Variants in ZNF730 observed in about 807,000 individuals in gnomAD.
ZNF730 encodes putative zinc finger protein 730.
In ZNF730, 12 loss-of-function variants were observed where a neutral mutation model predicts 12.6. The ratio of observed to expected loss-of-function variants is 0.95; its 90% CI spans 0.61 to 1.54. The LOEUF is 1.54. Among genes scored for constraint, ZNF730 ranks in the 40% most tolerant of loss-of-function variants. The pLI is 0.00. For synonymous variants in ZNF730, 194 were observed against 195.8 expected, an observed-to-expected ratio of 0.99 and a Z score of 0.08; for missense variants, 643 against 583.5, an observed-to-expected ratio of 1.10 and a Z score of -1.05.
intron 3 of ZNF730, among the ~76,000 whole-genome samples, chr19:23,142,254 T>C (rs1240393983): frequency 1.3e-5 from 2 of 150,532 alleles, no homozygotes; most frequent in Non-Finnish European, 3.0e-5. Context: ...CTGCTCTCAT[T>C]TGATTAATAT....
intron 1 of ZNF730, among the ~76,000 whole-genome samples, chr19:23,133,585 G>A (rs1042293812): frequency 2.0e-5 from 3 of 152,104 alleles, no homozygotes; most frequent in East Asian, 1.9e-4. Context: ...CAGGTGATCC[G>A]CCTGCCTCGG....
chr19:23,112,037 A>G (rs952442525), upstream of ZNF730, among the ~76,000 whole-genome samples: 6 of 148,676 alleles, frequency 4.0e-5, no homozygotes, highest in East Asian at 1.2e-3. Context: ...GACTGTGGAC[A>G]GTAAAACCCT....
chr19:23,078,879 A>G (rs1379022515), intron 1 of ZNF730, among the ~76,000 whole-genome samples: 2 of 151,716 alleles, frequency 1.3e-5, no homozygotes, highest in Non-Finnish European at 2.9e-5. Context: ...ATCTCGGCTC[A>G]CTGCAACGTC....
upstream of ZNF730, chr19:23,116,967 G>C (rs1001353994): frequency 1.2e-6 from 1 of 835,776 alleles, no homozygotes; most frequent in Non-Finnish European, 1.8e-6. Context: ...CTGGGCGGGG[G>C]GCCGTCCAAT....
At chr19:23,145,052 C>G (rs1203428972) in intron 3 of ZNF730, among the ~76,000 whole-genome samples, 2 of 152,104 alleles carry the variant, frequency 1.3e-5, no homozygotes, top group Non-Finnish European at 1.5e-5. Flanking sequence ...CTATATAGCT[C>G]TTTGCATTGT....
intron 1 of ZNF730, among the ~76,000 whole-genome samples, chr19:23,117,920 C>T (rs539607872): frequency 1.3e-5 from 2 of 152,226 alleles, no homozygotes; most frequent in East Asian, 3.9e-4. Flanking sequence ...ATCGCAGCCA[C>T]GTACCTCGAA....
At chr19:23,106,601 G>C (rs938082043) in intron 1 of ZNF730, among the ~76,000 whole-genome samples, 1 of 151,922 alleles carries the variant, frequency 6.6e-6, no homozygotes, top group Non-Finnish European at 1.5e-5. Flanking sequence ...AGACTAGCCT[G>C]ACCAACATGG....
intron 1 of ZNF730, among the ~76,000 whole-genome samples, chr19:23,120,288 A>G (rs1056168278): frequency 6.6e-6 from 1 of 152,112 alleles, no homozygotes; most frequent in African/African-American, 2.4e-5. Context: ...AGCCAGCACA[A>G]CTGGCTGGTC....
At chr19:23,134,445 C>T (rs1328163631) in intron 2 of ZNF730, among the ~76,000 whole-genome samples, 2 of 147,236 alleles carry the variant, frequency 1.4e-5, no homozygotes, top group African/African-American at 5.0e-5. Flanking sequence ...GGAGGGGGGT[C>T]GGCCAGCCGC....
chr19:23,113,832 T>C (rs1053915800), upstream of ZNF730, among the ~76,000 whole-genome samples: 2 of 152,218 alleles, frequency 1.3e-5, no homozygotes, highest in South Asian at 2.1e-4. Flanking sequence ...GACAGTGTTA[T>C]CAATGTCTAA....
intron 1 of ZNF730, among the ~76,000 whole-genome samples, chr19:23,078,887 G>A (rs1969914324): frequency 1.3e-5 from 2 of 151,582 alleles, no homozygotes; most frequent in African/African-American, 2.4e-5. Context: ...TCACTGCAAC[G>A]TCCATCTCCT....
chr19:23,088,202 T>C (rs931850967), intron 1 of ZNF730, among the ~76,000 whole-genome samples: 4 of 151,300 alleles, frequency 2.6e-5, no homozygotes, highest in African/African-American at 9.7e-5. Context: ...GTATTTTTAG[T>C]AGAGATGTGG....
intron 1 of ZNF730, chr19:23,126,642 A>G (rs959071922): frequency 2.0e-6 from 1 of 500,028 alleles, no homozygotes; most frequent in South Asian, 1.6e-5. Context: ...CTTCAGTTCT[A>G]ACTCTGCCAG....
intron 1 of ZNF730, among the ~76,000 whole-genome samples, chr19:23,084,272 T>C (rs967612939): frequency 6.6e-6 from 1 of 152,208 alleles, no homozygotes; most frequent in Non-Finnish European, 1.5e-5. Context: ...CATTGATCTA[T>C]GTGTTTGTTT....
intron 1 of ZNF730, among the ~76,000 whole-genome samples, chr19:23,091,395 T>C (rs1970157897): frequency 6.6e-6 from 1 of 152,124 alleles, no homozygotes; most frequent in African/African-American, 2.4e-5. Context: ...TACAGCCTAG[T>C]GGAGCTGTGA....
chr19:23,083,983 AAAT>A (rs1457517736), intron 1 of ZNF730, among the ~76,000 whole-genome samples: 1 of 152,148 alleles, frequency 6.6e-6, no homozygotes, highest in Admixed American at 6.6e-5. Flanking sequence ...TTATTTTAAA[AAAT>A]TATTTCCCAG....
Position 23,145,570 on chromosome 19 carries a change from A to G in ZNF730, c.526A>G (p.Lys176Glu). The change falls in exon 4 of 4, where the codon AAA (lysine) becomes GAA (glutamate). Residue 176 changes from lysine to glutamate, a missense_variant. By Grantham distance (56) the Lys-to-Glu change is moderately conservative (BLOSUM62 1). Coordinates refer to ENST00000597761, the MANE Select transcript of ZNF730 (RefSeq NM_001277403.2). The stretch of plus-strand genomic sequence containing the variant: ...TACTTCGAAGAAACCTTTCAAATGT[A>G]AAGAATGTGGAAAATTATTTTGCAT... The part of the protein sequence containing the change: ...RHTSKKPFKC[K>E]ECGKLFCILS... 4 of 1,546,080 alleles carry G rather than the reference A, an allele frequency of 2.6e-6. No homozygotes were observed. Among genetic ancestry groups the G allele is most frequent in the Non-Finnish European group, 3.5e-6 (4 of 1,146,876 alleles).
At chr19:23,117,247 C>T (rs1288204466) in intron 1 of ZNF730, 71 bp downstream of exon 1, 1 of 1,611,054 alleles carries the variant, frequency 6.2e-7, no homozygotes, top group South Asian at 1.1e-5. Context: ...GCGGCTGTGG[C>T]GGGACCCAGG....
intron 1 of ZNF730, among the ~76,000 whole-genome samples, chr19:23,107,021 G>T (rs1970400247): frequency 6.6e-6 from 1 of 151,062 alleles, no homozygotes; most frequent in Non-Finnish European, 1.5e-5. Context: ...GCATCAAAGG[G>T]AGAATTTTAG....
Sources: gnomAD v4.1 joint callset for allele counts (sites outside exome capture counted in the v4.1 genomes callset) on GRCh38, gnomAD v4.1.1 for gene constraint, MANE v1.5 for transcripts, NCBI Gene and HGNC (gene_info 2026-07-23, HGNC 2026-07-21) for gene names.